LSM3: variants seen among roughly 807,000 people sequenced by gnomAD.
LSM3 encodes LSM3 homolog, U6 small nuclear RNA and mRNA degradation associated, also known as U6 snRNA-associated Sm-like protein LSm3.
Under a neutral mutation model 15.4 loss-of-function variants are expected in LSM3, and 14 were observed. The ratio of observed to expected loss-of-function variants is 0.91; its 90% CI spans 0.60 to 1.42. LSM3 has a LOEUF of 1.42. LSM3 is among the 40% of genes most tolerant of loss of function. The pLI is 0.00. For synonymous variants in LSM3, 46 were observed against 45.1 expected, an observed-to-expected ratio of 1.02 and a Z score of -0.08; for missense variants, 88 against 127.9, an observed-to-expected ratio of 0.69 and a Z score of 1.50.
chr3:14,194,775 CTTTTTTTTTTTTTTTT>C (rs145805608), intron 3 of LSM3, among the ~76,000 whole-genome samples: 7 of 88,800 alleles, frequency 7.9e-5, no homozygotes, highest in Non-Finnish European at 2.1e-5. Context: ...TTATAGCATC[CTTTTTTTTTTTTTTTT>C]TTTTTTTTTT....
chr3:14,194,455 A>C (rs1315377360), intron 3 of LSM3, among the ~76,000 whole-genome samples: 2 of 152,150 alleles, frequency 1.3e-5, no homozygotes, highest in Non-Finnish European at 2.9e-5. Flanking sequence ...ATAAATTCAT[A>C]CTTTCTCTCT....
chr3:14,182,676 T>A (rs1697050857), intron 2 of LSM3, among the ~76,000 whole-genome samples: 1 of 152,248 alleles, frequency 6.6e-6, no homozygotes, highest in Non-Finnish European at 1.5e-5. Context: ...AGCTAACATT[T>A]ATTGAGCATT....
chr3:14,190,433 A>G (rs1394795291), intron 3 of LSM3, among the ~76,000 whole-genome samples: 1 of 152,176 alleles, frequency 6.6e-6, no homozygotes, highest in Non-Finnish European at 1.5e-5. Context: ...TGAGCATGGA[A>G]TCTTTTTCCA....
chr3:14,191,302 TGA>T, intron 3 of LSM3, among the ~76,000 whole-genome samples: 1 of 152,326 alleles, frequency 6.6e-6, no homozygotes, highest in Admixed American at 6.5e-5. Context: ...CCTCATAAAA[TGA>T]GTTAGGGAGG....
At chr3:14,184,142 C>G (rs996820943) in intron 3 of LSM3, 110 bp downstream of exon 3, 2 of 1,316,910 alleles carry the variant, frequency 1.5e-6, no homozygotes, top group African/African-American at 1.5e-5. Context: ...TACTTATGGA[C>G]TCAGTAGAGC....
Position 14,196,128 on chromosome 3 carries a change from T to C in LSM3, c.229-1908T>C, listed in dbSNP as rs1002466045. 7.2e-5 allele frequency among the ~76,000 whole-genome samples: 11 copies of C among 151,994 alleles called. No individual in the cohort carries two copies. The South Asian group carries it at 2.3e-3, about 32-fold the overall frequency. On this transcript the variant is annotated intron_variant, in intron 3 of 3. Transcript: ENST00000306024. ...CCACCACACCTGGCTAATTTTTTTT[T>C]TTATATTTTTAGTAGAGACGGGGTT... is the stretch of plus-strand genomic sequence containing the variant.
chr3:14,178,918 C>T (rs1696971811), intron 1 of LSM3, 37 bp downstream of exon 1: 1 of 1,612,526 alleles, frequency 6.2e-7, no homozygotes, highest in African/African-American at 1.3e-5. Flanking sequence ...GAAGGAGCTT[C>T]TTGTACTAGG....
intron 1 of LSM3, among the ~76,000 whole-genome samples, 177 bp from the exon 2 acceptor site, chr3:14,181,383 A>G (rs867431962): frequency 2.0e-5 from 3 of 152,210 alleles, no homozygotes; most frequent in South Asian, 4.1e-4. Flanking sequence ...GCCTTCATGT[A>G]TATCACTTAA....
In LSM3 at chr3:14,198,431, T is replaced by A. The variant is rs558447447; in HGVS notation, c.*315T>A. 3 of 321,770 alleles carry A rather than the reference T, an allele frequency of 9.3e-6. No individual in the cohort carries two copies. The highest frequency in any genetic ancestry group is 1.7e-5 in the Non-Finnish European group (3 of 175,466). The allele number at this position is 321,770 out of a possible 1,614,324, so 19.9% of individuals were successfully genotyped here. On this transcript the variant is annotated 3_prime_UTR_variant, in exon 4 of 4. Coordinates refer to ENST00000306024, the MANE Select transcript of LSM3 (RefSeq NM_014463.3). ...CTTTAAATTGGTGTTTCCTTGTAGATTTTTTTAAGTGCGGTCTTCTGTCTT... is the reference window on the plus strand; with the variant it reads ...CTTTAAATTGGTGTTTCCTTGTAGAATTTTTTAAGTGCGGTCTTCTGTCTT...
Position 14,199,528 on chromosome 3 carries a change from A to C in LSM3, c.*1412A>C, listed in dbSNP as rs1473346638. 1 of 152,194 alleles carries C rather than the reference A, an allele frequency of 6.6e-6. No homozygotes were observed. The highest frequency in any genetic ancestry group is 1.5e-5 in the Non-Finnish European group (1 of 68,030). 9.4% of individuals were successfully genotyped at this position (152,194 alleles called of 1,614,324 possible). On this transcript the variant is annotated 3_prime_UTR_variant, in exon 4 of 4. Transcript: ENST00000306024. ...GATGCTTTCAGTAAACATATTTAAA[A>C]GGTTTTATTTTCCTTACTAATGGTA... is the stretch of plus-strand genomic sequence containing the variant.
intron 3 of LSM3, among the ~76,000 whole-genome samples, chr3:14,187,454 A>G (rs896973603): frequency 1.3e-5 from 2 of 152,190 alleles, no homozygotes; most frequent in African/African-American, 4.8e-5. Flanking sequence ...GAATCTTTGG[A>G]TGACTGAGAA....
At chr3:14,186,584 T>C (rs1216084775) in intron 3 of LSM3, among the ~76,000 whole-genome samples, 3 of 152,250 alleles carry the variant, frequency 2.0e-5, no homozygotes, top group African/African-American at 7.2e-5. Context: ...TGTAAACATT[T>C]AGCATTTTTT....
At chr3:14,195,651 G>A (rs938020708) in intron 3 of LSM3, among the ~76,000 whole-genome samples, 1 of 152,198 alleles carries the variant, frequency 6.6e-6, no homozygotes, top group Non-Finnish European at 1.5e-5. Context: ...GGAGCCCATA[G>A]CAATGGTCTT....
intron 3 of LSM3, among the ~76,000 whole-genome samples, chr3:14,192,430 G>A (rs1196252498): frequency 6.6e-6 from 1 of 152,156 alleles, no homozygotes; most frequent in East Asian, 1.9e-4. Context: ...CTCTTTATAG[G>A]TCTCTAAGAA....
At chr3:14,179,390 G>A (rs1696988385) in intron 1 of LSM3, among the ~76,000 whole-genome samples, 1 of 152,212 alleles carries the variant, frequency 6.6e-6, no homozygotes, top group African/African-American at 2.4e-5. Context: ...GAACTGTGAT[G>A]TGCTGTGAAG....
intron 1 of LSM3, among the ~76,000 whole-genome samples, chr3:14,180,821 CTTTTTTTTTTTTTTTTTTTTTT>C (rs1164090236): frequency 4.3e-5 from 2 of 46,772 alleles, no homozygotes; most frequent in South Asian, 7.6e-4. Flanking sequence ...GCTTGCTTGC[CTTTTTTTTTTTTTTTTTTTTTT>C]TTTTTTTTTT....
chr3:14,182,178 A>C (rs923788524), intron 2 of LSM3, among the ~76,000 whole-genome samples: 4 of 152,204 alleles, frequency 2.6e-5, no homozygotes, highest in Non-Finnish European at 4.4e-5. Context: ...TGGGCAACAT[A>C]GAGAGACCCT....
At chr3:14,179,971 A>C (rs1474721660) in intron 1 of LSM3, among the ~76,000 whole-genome samples, 2 of 152,224 alleles carry the variant, frequency 1.3e-5, no homozygotes. Flanking sequence ...GTAATCTAAC[A>C]GTTGGTTATC....
intron 2 of LSM3, among the ~76,000 whole-genome samples, chr3:14,183,420 G>T (rs529833247): frequency 6.6e-6 from 1 of 152,236 alleles, no homozygotes; most frequent in African/African-American, 2.4e-5. Flanking sequence ...AAATGGGCAG[G>T]GTGTTGCTCT....
Sources: gnomAD v4.1 joint callset for allele counts (sites outside exome capture counted in the v4.1 genomes callset) on GRCh38, gnomAD v4.1.1 for gene constraint, MANE v1.5 for transcripts, NCBI Gene and HGNC (gene_info 2026-07-23, HGNC 2026-07-21) for gene names.